Variants in PTPN6 observed in about 807,000 individuals in gnomAD.
PTPN6 encodes the protein protein tyrosine phosphatase non-receptor type 6.
Under a neutral mutation model 81.5 loss-of-function variants are expected in PTPN6, and 18 were observed. The observed-to-expected ratio is 0.22, with a 90% confidence interval of 0.15 to 0.33. The LOEUF is 0.33. Ranked by LOEUF, PTPN6 falls within the 10% of genes least tolerant of loss-of-function variation. The pLI is 1.00. For synonymous variants in PTPN6, 301 were observed against 310.9 expected (o/e 0.97, Z 0.33); for missense variants, 500 against 794.2 (o/e 0.63, Z 4.45).
At position 6,956,404 on chromosome 12, in the gene PTPN6, C is replaced by G. The variant is rs201639711; in HGVS notation, c.925-15C>G. The G allele has an allele frequency of 6.2e-7, 1 of 1,614,138 alleles. No individual in the cohort carries two copies. Among genetic ancestry groups the G allele is most frequent in the Non-Finnish European group, 8.5e-7 (1 of 1,180,022 alleles). On this transcript the variant is annotated splice_polypyrimidine_tract_variant and intron_variant, in intron 8 of 15. Transcript: ENST00000318974. This position sits in a 1 kb window ranked among gnomAD's most constrained non-coding sequence, Gnocchi z 4.1. ...CTCACTGTCTTGGGGTGCGTCTCTCCACGCTTGCGTCCAGAACCAGCTGCT... is the reference window on the plus strand; with the variant it reads ...CTCACTGTCTTGGGGTGCGTCTCTCGACGCTTGCGTCCAGAACCAGCTGCT...
At position 6,954,437 on chromosome 12, in the gene PTPN6, G is replaced by C. The variant is rs1274873638; in HGVS notation, c.327-368G>C. On this transcript the variant is annotated intron_variant, in intron 3 of 15. Coordinates refer to ENST00000318974, the MANE Select transcript of PTPN6 (RefSeq NM_002831.6). The surrounding 1 kb of genome is among the most constrained non-coding windows in gnomAD (Gnocchi z 5.4). ...GAGGTGGGCTCTGGGTTCGAAGCCC[G>C]GTTAGAACTCTGGAGGCTAGGATGG... 6.6e-6 allele frequency among the ~76,000 whole-genome samples: 1 copy of C among 152,196 alleles called. No individual in the cohort carries two copies. Among genetic ancestry groups the C allele is most frequent in the Non-Finnish European group, 1.5e-5 (1 of 68,036 alleles).
At position 6,960,737 on chromosome 12, in the gene PTPN6, C is replaced by CTCT; in HGVS notation, c.1674-69_1674-68insTCT. The CTCT allele has an allele frequency of 6.4e-7, 1 of 1,551,584 alleles. No homozygotes were observed. Among genetic ancestry groups the CTCT allele is most frequent in the Non-Finnish European group, 8.7e-7 (1 of 1,147,008 alleles). Reference sequence around the variant, plus strand: ...GGTGGCCAGAGGGGACTGCCAGTGCCGGGTCCCCCTGTGCTGTCTCCTGAC... The same window carrying CTCT: ...GGTGGCCAGAGGGGACTGCCAGTGCCTCTGGGTCCCCCTGTGCTGTCTCCTGAC... On this transcript the variant is annotated intron_variant, in intron 14 of 15. Coordinates refer to ENST00000318974, the MANE Select transcript of PTPN6 (RefSeq NM_002831.6). The surrounding 1 kb of genome is among the most constrained non-coding windows in gnomAD (Gnocchi z 6.1).
intron 11 of PTPN6, among the ~76,000 whole-genome samples, chr12:6,958,392 G>A (rs2071079): frequency 0.63 from 95,158 of 152,190 alleles, 30,908 homozygotes; most frequent in Middle Eastern, 0.75. Context: ...GGGCAAGGCC[G>A]GGCAGGCACC....
Position 6,955,476 on chromosome 12 carries a change from G to C in PTPN6, c.738G>C (p.Glu246Asp), listed in dbSNP as rs781816472. ...SEDTAKAGFWEEFESLQKQEV... is the reference protein window; with the variant it reads ...SEDTAKAGFWDEFESLQKQEV... The stretch of plus-strand genomic sequence containing the variant: ...ATACAGCCAAGGCTGGCTTCTGGGA[G>C]GAGTTTGAGGTGCATGGTGGGGACC... The change falls in exon 6 of 16, where the codon GAG becomes GAC. Residue 246 changes from glutamate to aspartate, a missense_variant. This residue lies in a region of PTPN6 where 96 missense variants were observed against 137.3 expected (regional missense o/e 0.70). Transcript: ENST00000318974. The surrounding 1 kb of genome is among the most constrained non-coding windows in gnomAD (Gnocchi z 7.2). The C allele has an allele frequency of 1.2e-6, 2 of 1,614,030 alleles. No homozygotes were observed. The highest frequency in any genetic ancestry group is 2.2e-5 in the South Asian group (2 of 91,080).
At position 6,957,755 on chromosome 12, in the gene PTPN6, C is replaced by T; in HGVS notation, c.1176C>T (p.Leu392=). 6.2e-7 allele frequency: 1 copy of T among 1,614,070 alleles called. No individual in the cohort carries two copies. Among genetic ancestry groups the T allele is most frequent in the South Asian group, 1.1e-5 (1 of 91,086 alleles). The change falls in exon 10 of 16, where the codon CTC becomes CTT. Residue 392 remains leucine (L), a synonymous_variant. Coordinates refer to ENST00000318974, the MANE Select transcript of PTPN6 (RefSeq NM_002831.6). This position sits in a 1 kb window ranked among gnomAD's most constrained non-coding sequence, Gnocchi z 6.5. Reference sequence around the variant, plus strand: ...AGCATGACACAACCGAATACAAACTCCGTACCTTACAGGTCTCCCCGCTGG... The same window carrying T: ...AGCATGACACAACCGAATACAAACTTCGTACCTTACAGGTCTCCCCGCTGG... ...CGEHDTTEYK[L]RTLQVSPLDN...
Position 6,951,390 on chromosome 12 carries a change from G to T in PTPN6, c.-123G>T. 6.5e-7 allele frequency: 1 copy of T among 1,547,712 alleles called. No individual in the cohort carries two copies. On this transcript the variant is annotated 5_prime_UTR_variant, in exon 1 of 16. Coordinates refer to ENST00000318974, the MANE Select transcript of PTPN6 (RefSeq NM_002831.6). The surrounding 1 kb of genome is among the most constrained non-coding windows in gnomAD (Gnocchi z 7.2). ...GCAGCCCCAGAACTGGGACCACCGG[G>T]GGTGGTGAGGCGGCCCGGCACTGGG...
At chr12:6,953,126 T>G (rs1172011855) in intron 3 of PTPN6, 1 of 152,010 alleles carries the variant, frequency 6.6e-6, no homozygotes, top group Non-Finnish European at 1.5e-5. Context: ...GATTGAAACT[T>G]AGAGCTGGAT....
In PTPN6 at chr12:6,954,842, A is replaced by G. The variant is rs1555148312; in HGVS notation, c.364A>G (p.Thr122Ala). 5 of 1,614,084 alleles carry G rather than the reference A, an allele frequency of 3.1e-6. No individual in the cohort carries two copies. Among genetic ancestry groups the G allele is most frequent in the Non-Finnish European group, 4.2e-6 (5 of 1,180,024 alleles). ...HGHMSGGQAETLLQAKGEPWT... is the reference protein window; with the variant it reads ...HGHMSGGQAEALLQAKGEPWT... ...CCACATGTCTGGCGGGCAGGCAGAG[A>G]CGCTGCTGCAGGCCAAGGGCGAGCC... Residue 122 changes from threonine to alanine, a missense_variant, in exon 4 of 16, where the codon ACG becomes GCG. Coordinates refer to ENST00000318974, the MANE Select transcript of PTPN6 (RefSeq NM_002831.6). This position sits in a 1 kb window ranked among gnomAD's most constrained non-coding sequence, Gnocchi z 5.4.
At position 6,960,959 on chromosome 12, in the gene PTPN6, G is replaced by C. The variant is rs782384249; in HGVS notation, c.*25+14G>C. 6.4e-7 allele frequency: 1 copy of C among 1,553,754 alleles called. No individual in the cohort carries two copies. Among genetic ancestry groups the C allele is most frequent in the South Asian group, 1.2e-5 (1 of 84,238 alleles). On this transcript the variant is annotated intron_variant, in intron 15 of 15. Coordinates refer to ENST00000318974, the MANE Select transcript of PTPN6 (RefSeq NM_002831.6). The surrounding 1 kb of genome is among the most constrained non-coding windows in gnomAD (Gnocchi z 6.1). ...CAGGTGGCCATGGTACAGCTCTTCT[G>C]CCTGGGTGTCCTCCCTGCCCTGCCC...
Position 6,960,225 on chromosome 12 carries a change from C to G in PTPN6, c.1567C>G (p.Leu523Val), listed in dbSNP as rs2138284613. ...AQFIETTKKKLEVLQSQKGQE... is the reference protein window; with the variant it reads ...AQFIETTKKKVEVLQSQKGQE... ...GTTCATTGAAACCACTAAGAAGAAG[C>G]TGGAGGTCCTGCAGGTGCGTGCAGA... The change falls in exon 13 of 16, where the codon CTG becomes GTG. Residue 523 changes from leucine to valine, a missense_variant. Around this residue, in one of 6 missense-constraint regions of PTPN6, gnomAD observed 226 missense variants for 364.4 expected, o/e 0.62. Coordinates refer to ENST00000318974, the MANE Select transcript of PTPN6 (RefSeq NM_002831.6). The surrounding 1 kb of genome is among the most constrained non-coding windows in gnomAD (Gnocchi z 6.1). The G allele has an allele frequency of 6.3e-7, 1 of 1,588,648 alleles. No individual in the cohort carries two copies. Among genetic ancestry groups the G allele is most frequent in the Non-Finnish European group, 8.5e-7 (1 of 1,171,432 alleles).
chr12:6,946,577 A>G, upstream of PTPN6: 1 of 708,462 alleles, frequency 1.4e-6, no homozygotes, highest in South Asian at 1.5e-5. Flanking sequence ...CTGCAGTGCC[A>G]TTGGCCTGGC....
At position 6,954,680 on chromosome 12, in the gene PTPN6, A is replaced by G; in HGVS notation, c.327-125A>G. 1 of 911,646 alleles carries G rather than the reference A, an allele frequency of 1.1e-6. No homozygotes were observed. The highest frequency in any genetic ancestry group is 1.5e-5 in the South Asian group (1 of 67,368). 56.5% of individuals were successfully genotyped at this position (911,646 alleles called of 1,614,324 possible). A position where few individuals can be genotyped will look rare whatever the true frequency, so the allele number is the denominator to read the frequency against. The stretch of plus-strand genomic sequence containing the variant: ...GACCTAAATGAGGTGGTGGATTTGG[A>G]AGCATGTAGCGCAGTGCCTGGCACA... On this transcript the variant is annotated intron_variant, in intron 3 of 15. Coordinates refer to ENST00000318974, the MANE Select transcript of PTPN6 (RefSeq NM_002831.6). The surrounding 1 kb of genome is among the most constrained non-coding windows in gnomAD (Gnocchi z 5.4).
chr12:6,959,872 C>T lies in PTPN6; in HGVS notation c.1362-55C>T, dbSNP rs1429489977. The stretch of plus-strand genomic sequence containing the variant: ...GGGCTGGAGCTGAGCGCTGGGTACC[C>T]CCCTTCCCGGGGAGGGCTTGACTGG... On this transcript the variant is annotated intron_variant, in intron 11 of 15. Transcript: ENST00000318974. This position sits in a 1 kb window ranked among gnomAD's most constrained non-coding sequence, Gnocchi z 6.6. The T allele has an allele frequency of 4.2e-5, 67 of 1,590,078 alleles. No individual in the cohort carries two copies. The East Asian group carries it at 7.1e-4, about 17-fold the overall frequency.
chr12:6,948,992 G>A (rs1017569994), upstream of PTPN6, among the ~76,000 whole-genome samples: 1 of 151,814 alleles, frequency 6.6e-6, no homozygotes, highest in African/African-American at 2.4e-5. Context: ...TGCTTACAGA[G>A]TACTGGCGAG....
rs782818432 is a variant in PTPN6, at chr12:6,957,827, C to G, written c.1206+42C>G. The G allele has an allele frequency of 6.2e-7, 1 of 1,614,076 alleles. No individual in the cohort carries two copies. On this transcript the variant is annotated intron_variant, in intron 10 of 15. Transcript: ENST00000318974. The surrounding 1 kb of genome is among the most constrained non-coding windows in gnomAD (Gnocchi z 6.5). ...CCCTGCCCCATTCCGGGAGTCCCTC[C>G]CTGGACTTGTTCTCCTCTCTGGTCG...
rs1466649390 is a variant in PTPN6, at chr12:6,956,895, C to T, written c.1074+327C>T. The stretch of plus-strand genomic sequence containing the variant: ...AGTCTGCCCCTTACCCTGCAGGCTC[C>T]CCCTACACAGCACCCTCTGTGCTGC... On this transcript the variant is annotated intron_variant, in intron 9 of 15. Coordinates refer to ENST00000318974, the MANE Select transcript of PTPN6 (RefSeq NM_002831.6). This position sits in a 1 kb window ranked among gnomAD's most constrained non-coding sequence, Gnocchi z 4.1. Among the ~76,000 whole-genome samples, 1 of 152,134 alleles carries T rather than the reference C, an allele frequency of 6.6e-6. No homozygotes were observed. Among genetic ancestry groups the T allele is most frequent in the Non-Finnish European group, 1.5e-5 (1 of 68,022 alleles).
chr12:6,946,805 G>C (rs1555146887), upstream of PTPN6: 2 of 1,502,666 alleles, frequency 1.3e-6, no homozygotes, highest in African/African-American at 2.8e-5. Context: ...GGGCTTTGTT[G>C]ATGCTCACTC....
chr12:6,961,220 TC>T lies in PTPN6; in HGVS notation c.*127del, dbSNP rs769899120. On this transcript the variant is annotated 3_prime_UTR_variant, in exon 16 of 16. Coordinates refer to ENST00000318974, the MANE Select transcript of PTPN6 (RefSeq NM_002831.6). Reference sequence around the variant, plus strand: ...TTCTTTTGTAATTTAAATGGCTGCATCCCCCCCACCTCTCCCTGACCCTGTA... The same window carrying T: ...TTCTTTTGTAATTTAAATGGCTGCATCCCCCCACCTCTCCCTGACCCTGTA... 2.9e-5 allele frequency: 13 copies of T among 443,146 alleles called. No individual in the cohort carries two copies. The highest frequency in any genetic ancestry group is 8.0e-5 in the African/African-American group (4 of 49,914). 27.5% of individuals were successfully genotyped at this position (443,146 alleles called of 1,614,324 possible).
At position 6,952,655 on chromosome 12, in the gene PTPN6, C is replaced by T. The variant is rs145986694; in HGVS notation, c.326+478C>T. ...AAGACACTTGATGCCTTGTCCCAGC[C>T]GCCCCGTGGGGATGGGTCTGTCCTG... On this transcript the variant is annotated intron_variant, in intron 3 of 15. Coordinates refer to ENST00000318974, the MANE Select transcript of PTPN6 (RefSeq NM_002831.6). This position sits in a 1 kb window ranked among gnomAD's most constrained non-coding sequence, Gnocchi z 8.1. 1.1e-3 allele frequency: 288 copies of T among 252,092 alleles called. 1 individual carries two copies. Among genetic ancestry groups the T allele is most frequent in the African/African-American group, 6.0e-3 (268 of 44,866 alleles). 15.6% of individuals were successfully genotyped at this position (252,092 alleles called of 1,614,324 possible).
Sources: allele counts gnomAD v4.1 joint callset (sites outside exome capture counted in the v4.1 genomes callset), GRCh38; gene constraint gnomAD v4.1.1; regional missense constraint gnomAD v4.1.1; non-coding constraint Gnocchi (gnomAD v3.1); transcripts MANE v1.5; gene names NCBI Gene and HGNC (gene_info 2026-07-23, HGNC 2026-07-21).